Variants in COL16A1 observed in about 807,000 individuals in gnomAD.
COL16A1 encodes collagen type XVI alpha 1 chain, also known as collagen alpha-1(XVI) chain.
A neutral mutation model predicts 266.3 loss-of-function variants in COL16A1; 189 were observed. The observed-to-expected ratio is 0.71, with a 90% CI of 0.63 to 0.80. The LOEUF is 0.80. COL16A1 is among the 30% of genes least tolerant of loss of function. COL16A1 has a pLI of 0.00. For synonymous variants in COL16A1, 740 were observed against 782.3 expected (o/e 0.95, Z 0.90); for missense variants, 1,928 against 2,122.4 (o/e 0.91, Z 1.80).
rs1363308097 is a variant in COL16A1 at position 31,689,772 on chromosome 1, T to G, written c.1589A>C (p.Lys530Thr). 6 of 1,613,974 alleles carry G rather than the reference T, an allele frequency of 3.7e-6. No individual in the cohort carries two copies. The Admixed American group carries it at 6.7e-5, about 18-fold the overall frequency. The change falls in exon 23 of 71, where the codon AAA becomes ACA. Residue 530 changes from lysine (K) to threonine (T), a missense_variant. Lys to Thr is a moderately conservative substitution (Grantham distance 78). Coordinates refer to ENST00000373672, the MANE Select transcript of COL16A1 (RefSeq NM_001856.4). ...FVGLPGKPGPKGEPGDPVPAR... is the reference protein window; with the variant it reads ...FVGLPGKPGPTGEPGDPVPAR... ...TGGTACAGGATCACCAGGCTCCCCTTTGGGCCCTGGCTTTCCAGGAAGTCC... is the reference window on the plus strand; with the variant it reads ...TGGTACAGGATCACCAGGCTCCCCTGTGGGCCCTGGCTTTCCAGGAAGTCC...
At chr1:31,669,390 A>T (rs781476044) in intron 49 of COL16A1, among the ~76,000 whole-genome samples, 1 of 151,986 alleles carries the variant, frequency 6.6e-6, no homozygotes, top group African/African-American at 2.4e-5. Flanking sequence ...CCTCCAGAGC[A>T]GTCCCTGTCA....
Position 31,675,332 on chromosome 1 carries a change from G to C in COL16A1, c.2773-21C>G, listed in dbSNP as rs116709151. Reference sequence around the variant, plus strand: ...ACTCCCTGTAGCCAAGAAGAGACACGAGTGAGTGGGCTCCATCTCTCTAGC... The same window carrying C: ...ACTCCCTGTAGCCAAGAAGAGACACCAGTGAGTGGGCTCCATCTCTCTAGC... On this transcript the variant is annotated intron_variant, in intron 42 of 70. Coordinates refer to ENST00000373672, the MANE Select transcript of COL16A1 (RefSeq NM_001856.4). The C allele has an allele frequency of 3.2e-4, 508 of 1,612,094 alleles. 2 individuals carry two copies. In the African/African-American group the frequency reaches 5.9e-3, roughly 19 times the overall value.
chr1:31,696,393 A>G (rs1416585303), intron 8 of COL16A1, among the ~76,000 whole-genome samples: 1 of 129,144 alleles, frequency 7.7e-6, no homozygotes, highest in African/African-American at 2.9e-5. Context: ...GTGTTCCTGC[A>G]GCCCAAGGCT....
chr1:31,665,257 A>C (rs902191169), intron 55 of COL16A1, 23 bp from the exon 56 acceptor site: 2 of 1,584,518 alleles, frequency 1.3e-6, no homozygotes, highest in Non-Finnish European at 1.7e-6. Context: ...AGGGGCAGGC[A>C]GGAATGAAAG....
intron 15 of COL16A1, 33 bp downstream of exon 15, chr1:31,692,565 C>T: frequency 6.2e-7 from 1 of 1,614,098 alleles, no homozygotes. Context: ...CCTGGACCCA[C>T]CATCCCTGCC....
At chr1:31,654,984 T>TG in intron 67 of COL16A1, 126 bp from the exon 68 acceptor site, 1 of 1,408,402 alleles carries the variant, frequency 7.1e-7, no homozygotes, top group Non-Finnish European at 9.3e-7. Flanking sequence ...TTTTTTTTTT[T>TG]TTTTTTTTTT....
intron 29 of COL16A1, 60 bp from the exon 30 acceptor site, chr1:31,684,916 C>T: frequency 1.2e-6 from 2 of 1,610,352 alleles, no homozygotes; most frequent in Non-Finnish European, 1.7e-6. Flanking sequence ...AAGTGCCCGG[C>T]ACCACATCAG....
intron 48 of COL16A1, 145 bp downstream of exon 48, chr1:31,671,470 G>T: frequency 1.0e-6 from 1 of 968,788 alleles, no homozygotes; most frequent in Non-Finnish European, 1.6e-6. Flanking sequence ...CCCTGCAGAT[G>T]CTCTGCGGAG....
Position 31,698,236 on chromosome 1 carries a change from G to A in COL16A1, c.391-64C>T, listed in dbSNP as rs909675722. The A allele has an allele frequency of 1.4e-5, 22 of 1,592,306 alleles. 1 individual carries two copies. Among genetic ancestry groups the A allele is most frequent in the African/African-American group, 2.7e-5 (2 of 74,358 alleles). On this transcript the variant is annotated intron_variant, in intron 5 of 70. Transcript: ENST00000373672. The surrounding 1 kb of genome is among the most constrained non-coding windows in gnomAD (Gnocchi z 4.1). ...AGCTCCAGAGTCACACCATGGGCACGTTCAGGGACCTTGAACTCATTTCAC... is the reference window on the plus strand; with the variant it reads ...AGCTCCAGAGTCACACCATGGGCACATTCAGGGACCTTGAACTCATTTCAC...
At chr1:31,683,851 C>T in intron 33 of COL16A1, 99 bp downstream of exon 33, 1 of 1,605,340 alleles carries the variant, frequency 6.2e-7, no homozygotes, top group Non-Finnish European at 8.5e-7. Context: ...CTGCACCCTG[C>T]CTCCATTTCC....
intron 66 of COL16A1, 121 bp from the exon 67 acceptor site, chr1:31,655,623 C>G (rs75341435): frequency 0.055 from 83,106 of 1,503,396 alleles, 2,566 homozygotes; most frequent in Middle Eastern, 0.084. Context: ...GCCACAGCAT[C>G]CTGACAGGTC....
rs1642148237 is a variant in COL16A1, at chr1:31,666,406, A to G, written c.3358-325T>C. 15 of 353,294 alleles carry G rather than the reference A, an allele frequency of 4.2e-5. No individual in the cohort carries two copies. In the South Asian group the frequency reaches 6.3e-4, roughly 15 times the overall value. The allele number at this position is 353,294 out of a possible 1,614,324, so 21.9% of individuals were successfully genotyped here. On this transcript the variant is annotated intron_variant, in intron 52 of 70. Transcript: ENST00000373672. ...CTCCCTCTGCCTCTGAGTGGGGCGC[A>G]CACTTTCCACCAACGCTGGTCTTTG...
intron 22 of COL16A1, 168 bp from the exon 23 acceptor site, chr1:31,690,019 A>G: frequency 1.6e-6 from 1 of 637,676 alleles, no homozygotes; most frequent in Non-Finnish European, 2.7e-6. Context: ...CAACTGACTC[A>G]TTCATTCACC....
intron 19 of COL16A1, 64 bp downstream of exon 19, chr1:31,691,353 C>T (rs897919330): frequency 1.3e-6 from 2 of 1,583,642 alleles, no homozygotes; most frequent in African/African-American, 1.3e-5. Context: ...CCGTTCATTC[C>T]CTGGCCAGGG....
chr1:31,695,900 G>T, intron 9 of COL16A1, 113 bp from the exon 10 acceptor site: 1 of 1,054,254 alleles, frequency 9.5e-7, no homozygotes, highest in Non-Finnish European at 1.4e-6. Flanking sequence ...AGAGTGCCAG[G>T]CACTGCGTCT....
chr1:31,655,855 A>C, intron 66 of COL16A1: 2 of 324,876 alleles, frequency 6.2e-6, no homozygotes, highest in South Asian at 3.9e-5. Flanking sequence ...TGATTCTCTG[A>C]TTCTGCCATG....
intron 19 of COL16A1, 57 bp from the exon 20 acceptor site, chr1:31,691,283 A>G: frequency 3.1e-6 from 5 of 1,606,618 alleles, no homozygotes; most frequent in Non-Finnish European, 4.3e-6. Context: ...CTACAGCGAG[A>G]TCTTCTACCC....
Position 31,652,463 on chromosome 1 carries a change from C to T in COL16A1, c.*188G>A. On this transcript the variant is annotated 3_prime_UTR_variant, in exon 71 of 71. Coordinates refer to ENST00000373672, the MANE Select transcript of COL16A1 (RefSeq NM_001856.4). This position sits in a 1 kb window ranked among gnomAD's most constrained non-coding sequence, Gnocchi z 4.8. ...GGAGGGCAACAGGGAGCTCTGGCTG[C>T]AGCACCAGAGGAACCCACTGGAAGG... 1.6e-6 allele frequency: 1 copy of T among 620,106 alleles called. No individual in the cohort carries two copies. The highest frequency in any genetic ancestry group is 3.7e-5 in the East Asian group (1 of 26,796). The allele number at this position is 620,106 out of a possible 1,614,324, so 38.4% of individuals were successfully genotyped here.
At chr1:31,690,700 G>T in intron 20 of COL16A1, 127 bp from the exon 21 acceptor site, 3 of 1,443,086 alleles carry the variant, frequency 2.1e-6, no homozygotes, top group Non-Finnish European at 2.8e-6. Context: ...GTTGCCATTT[G>T]TTCCATTCGG....
Sources: gnomAD v4.1 joint callset for allele counts (sites outside exome capture counted in the v4.1 genomes callset) on GRCh38, gnomAD v4.1.1 for gene constraint, Gnocchi (gnomAD v3.1) non-coding constraint, MANE v1.5 for transcripts, NCBI Gene and HGNC (gene_info 2026-07-23, HGNC 2026-07-21) for gene names.